The following EIF2A variants were observed in gnomAD, a reference collection of about 807,000 sequenced individuals.
The protein encoded by EIF2A is eukaryotic translation initiation factor 2A, also known as 65 kDa eukaryotic translation initiation factor 2A.
In EIF2A, 62 loss-of-function variants were observed where a neutral mutation model predicts 75.2. The observed-to-expected ratio is 0.82, with a 90% CI of 0.67 to 1.02. The LOEUF is 1.02. Among genes scored for constraint, EIF2A ranks in the 50% least tolerant of loss-of-function variants. The pLI, the probability that EIF2A is intolerant of heterozygous loss-of-function variation, is 0.00. For synonymous variants in EIF2A, 207 were observed against 239.0 expected (o/e 0.87, Z 1.23); for missense variants, 611 against 677.7 (o/e 0.90, Z 1.09).
chr3:150,556,579 C>T (rs1315438943), intron 2 of EIF2A, among the ~76,000 whole-genome samples: 1 of 151,206 alleles, frequency 6.6e-6, no homozygotes, highest in African/African-American at 2.4e-5. Context: ...CTAGTTTTTG[C>T]GTTGGAATGT....
intron 10 of EIF2A, among the ~76,000 whole-genome samples, chr3:150,573,279 G>T (rs989464333): frequency 1.3e-5 from 2 of 152,156 alleles, no homozygotes; most frequent in Non-Finnish European, 2.9e-5. Context: ...TTGAGACAGA[G>T]TCTCACTCTG....
chr3:150,578,047 C>T (rs1457987534), intron 11 of EIF2A, among the ~76,000 whole-genome samples: 1 of 151,952 alleles, frequency 6.6e-6, no homozygotes, highest in African/African-American at 2.4e-5. Flanking sequence ...CAAGTAGGGA[C>T]CTCTACTGGC....
chr3:150,570,752 A>T (rs1053820658), intron 9 of EIF2A, among the ~76,000 whole-genome samples: 5 of 152,128 alleles, frequency 3.3e-5, no homozygotes, highest in African/African-American at 1.2e-4. Context: ...GTGAGGGGGA[A>T]GCCTGCATCA....
At chr3:150,566,455 A>G (rs1218306764) in intron 6 of EIF2A, 1 of 152,164 alleles carries the variant, frequency 6.6e-6, no homozygotes, top group South Asian at 2.1e-4. Context: ...AAAAAAAGGT[A>G]TTTAGGTTCT....
chr3:150,548,706 C>G (rs1367372086), intron 1 of EIF2A, among the ~76,000 whole-genome samples: 1 of 152,156 alleles, frequency 6.6e-6, no homozygotes, highest in African/African-American at 2.4e-5. Flanking sequence ...TGAAGGATAG[C>G]CACTTTATAG....
At chr3:150,555,274 G>C (rs1180019397) in intron 2 of EIF2A, among the ~76,000 whole-genome samples, 1 of 151,018 alleles carries the variant, frequency 6.6e-6, no homozygotes, top group Non-Finnish European at 1.5e-5. Flanking sequence ...TATTTTTTTT[G>C]AGATGGAGTT....
In EIF2A at chr3:150,567,981, A is replaced by T; in HGVS notation, c.629A>T (p.His210Leu). ...CAGTACCCCAACTTTGCTGGACCTC[A>T]TGCAGCTTTAGCTAATAAAAGTTTC... ...LYQYPNFAGP[H>L]AALANKSFFK... The change falls in exon 8 of 14, where the codon CAT becomes CTT. Residue 210 changes from histidine to leucine, a missense_variant. His to Leu is a moderately conservative substitution (Grantham distance 99). Transcript: ENST00000460851. 1.9e-6 allele frequency: 3 copies of T among 1,613,524 alleles called. No homozygotes were observed. Among genetic ancestry groups the T allele is most frequent in the South Asian group, 2.2e-5 (2 of 90,990 alleles).
At position 150,568,224 on chromosome 3, in the gene EIF2A, C is replaced by T. The variant is rs751289885; in HGVS notation, c.743C>T (p.Ala248Val). Residue 248 changes from alanine (A) to valine (V), a missense_variant, in exon 9 of 14, where the codon GCT becomes GTT. Coordinates refer to ENST00000460851, the MANE Select transcript of EIF2A (RefSeq NM_032025.5). The part of the protein sequence containing the change: ...IASTDVDKTG[A>V]SYYGEQTLHY... ...AGCACAGATGTTGACAAGACAGGAG[C>T]TTCCTACTATGGAGAACAAACTCTA... is the stretch of plus-strand genomic sequence containing the variant. The T allele has an allele frequency of 1.9e-6, 3 of 1,613,744 alleles. No individual in the cohort carries two copies. Among genetic ancestry groups the T allele is most frequent in the Non-Finnish European group, 2.5e-6 (3 of 1,179,772 alleles).
At chr3:150,578,304 CCATT>C (rs1424900622) in intron 11 of EIF2A, among the ~76,000 whole-genome samples, 15 of 147,542 alleles carry the variant, frequency 1.0e-4, no homozygotes, top group Non-Finnish European at 1.3e-4. Flanking sequence ...ATAATTATAA[CCATT>C]AATTAATATA....
Position 150,558,386 on chromosome 3 carries a change from A to C in EIF2A, c.99-2A>C. The C allele has an allele frequency of 3.3e-6, 5 of 1,511,856 alleles. No individual in the cohort carries two copies. In the South Asian group the frequency reaches 6.8e-5, roughly 21 times the overall value. 93.7% of individuals were successfully genotyped at this position (1,511,856 alleles called of 1,614,324 possible). On this transcript the variant is annotated splice_acceptor_variant, in intron 2 of 13. Coordinates refer to ENST00000460851, the MANE Select transcript of EIF2A (RefSeq NM_032025.5). LOFTEE classifies it high-confidence loss of function. Reference sequence around the variant, plus strand: ...TAAACCTTTTTTTTTTGTCATTTTCAGGGAATCTGGGAAGAATTGCAAAGT... The same window carrying C: ...TAAACCTTTTTTTTTTGTCATTTTCCGGGAATCTGGGAAGAATTGCAAAGT...
In EIF2A at chr3:150,585,623, C is replaced by T. The variant is rs771819683; in HGVS notation, c.*1712C>T. 5.9e-5 allele frequency: 9 copies of T among 152,176 alleles called. No individual in the cohort carries two copies. The highest frequency in any genetic ancestry group is 1.3e-4 in the Non-Finnish European group (9 of 68,044). 9.4% of individuals were successfully genotyped at this position (152,176 alleles called of 1,614,324 possible). A position where few individuals can be genotyped will look rare whatever the true frequency, so the allele number is the denominator to read the frequency against. Reference sequence around the variant, plus strand: ...TGTTTGTTTCTCTGGAAAACCCTGACTAATACAGATTAGCTATGTATTAGG... The same window carrying T: ...TGTTTGTTTCTCTGGAAAACCCTGATTAATACAGATTAGCTATGTATTAGG... On this transcript the variant is annotated 3_prime_UTR_variant, in exon 14 of 14. Transcript: ENST00000460851.
chr3:150,551,090 G>A (rs183300019), intron 1 of EIF2A, among the ~76,000 whole-genome samples: 72 of 152,244 alleles, frequency 4.7e-4, no homozygotes, highest in African/African-American at 1.6e-3. Context: ...CTTGTTAACT[G>A]CCATTGATCC....
chr3:150,582,213 C>T (rs1016638371), intron 12 of EIF2A, among the ~76,000 whole-genome samples: 1 of 151,360 alleles, frequency 6.6e-6, no homozygotes, highest in Non-Finnish European at 1.5e-5. Flanking sequence ...GTTGGCCAGG[C>T]TGGTCTCAAA....
At chr3:150,571,221 C>G (rs1724497293) in intron 9 of EIF2A, among the ~76,000 whole-genome samples, 1 of 151,506 alleles carries the variant, frequency 6.6e-6, no homozygotes, top group Admixed American at 6.6e-5. Flanking sequence ...CTCACTGCAA[C>G]CTCTGCCTCC....
At chr3:150,563,692 T>C (rs1724005525) in intron 5 of EIF2A, 78 bp downstream of exon 5, 12 of 1,108,910 alleles carry the variant, frequency 1.1e-5, no homozygotes, top group Admixed American at 3.4e-5. Context: ...GTTTTCCTGA[T>C]ATTGATTTAA....
intron 10 of EIF2A, among the ~76,000 whole-genome samples, chr3:150,575,321 G>C (rs1224828163): frequency 6.6e-6 from 1 of 152,180 alleles, no homozygotes. Context: ...AACCAAAAAG[G>C]CCTCAGAAGA....
intron 2 of EIF2A, 147 bp from the exon 3 acceptor site, chr3:150,558,241 G>A: frequency 1.6e-6 from 1 of 611,242 alleles, no homozygotes; most frequent in East Asian, 3.5e-5. Context: ...AAAGTATTTT[G>A]GCAGATGAAA....
rs771147527 is a variant in EIF2A at position 150,567,925 on chromosome 3, T to G, written c.573T>G (p.Ser191Arg). Residue 191 changes from serine (S) to arginine (R), a missense_variant, in exon 8 of 14, where the codon AGT becomes AGG. Transcript: ENST00000460851. ...AGGTGGCTGTCTATGTTCCAGGAAGTAAAGGTGCACCTTCATTTGTTAGAT... is the reference window on the plus strand; with the variant it reads ...AGGTGGCTGTCTATGTTCCAGGAAGGAAAGGTGCACCTTCATTTGTTAGAT... ...PYKVAVYVPG[S>R]KGAPSFVRLY... 1 of 1,610,462 alleles carries G rather than the reference T, an allele frequency of 6.2e-7. No individual in the cohort carries two copies. Among genetic ancestry groups the G allele is most frequent in the South Asian group, 1.1e-5 (1 of 90,004 alleles).
At chr3:150,547,265 C>T (rs930014897) in intron 1 of EIF2A, 1 of 188,504 alleles carries the variant, frequency 5.3e-6, no homozygotes, top group South Asian at 8.5e-5. Context: ...ATTCCAGATT[C>T]TGGCCTTCCT....
Sources: gnomAD v4.1 joint callset for allele counts (sites outside exome capture counted in the v4.1 genomes callset) on GRCh38, gnomAD v4.1.1 for gene constraint, MANE v1.5 for transcripts, NCBI Gene and HGNC (gene_info 2026-07-23, HGNC 2026-07-21) for gene names.